NRDE2: variants seen among roughly 807,000 people sequenced by gnomAD.
The protein encoded by NRDE2 is nuclear exosome regulator NRDE2.
Under a neutral mutation model 124.2 loss-of-function variants are expected in NRDE2, and 76 were observed. The ratio of observed to expected loss-of-function variants is 0.61; its 90% CI spans 0.51 to 0.74. The LOEUF is 0.74. NRDE2 is among the 30% of genes least tolerant of loss of function. NRDE2 has a pLI of 0.00. For synonymous variants in NRDE2, 489 were observed against 528.1 expected, an observed-to-expected ratio of 0.93 and a Z score of 1.01; for missense variants, 1,314 against 1,417.3, an observed-to-expected ratio of 0.93 and a Z score of 1.17.
intron 8 of NRDE2, 76 bp downstream of exon 8, chr14:90,298,184 G>A: frequency 1.4e-6 from 2 of 1,470,990 alleles, no homozygotes; most frequent in Non-Finnish European, 1.9e-6. Context: ...AGCTTAAGCA[G>A]ATAAATAATC....
At chr14:90,321,672 A>T (rs1462441236) in intron 1 of NRDE2, among the ~76,000 whole-genome samples, 1 of 151,988 alleles carries the variant, frequency 6.6e-6, no homozygotes, top group Non-Finnish European at 1.5e-5. Context: ...AGCAAAAGGT[A>T]TTTTCATCTG....
At chr14:90,284,641 T>A (rs1488220733) in intron 12 of NRDE2, among the ~76,000 whole-genome samples, 1 of 152,112 alleles carries the variant, frequency 6.6e-6, no homozygotes, top group Non-Finnish European at 1.5e-5. Flanking sequence ...AGTGCTGGGA[T>A]CACAGGCATG....
At position 90,296,403 on chromosome 14, in the gene NRDE2, AG is replaced by A. The variant is rs566480539; in HGVS notation, c.1666+1856del. Reference sequence around the variant, plus strand: ...CATTCTTTTTGGAAAAGAACACTCCAGGGAAATCTAAACAGCTGAGACTCTG... The same window carrying A: ...CATTCTTTTTGGAAAAGAACACTCCAGGAAATCTAAACAGCTGAGACTCTG... On this transcript the variant is annotated intron_variant, in intron 8 of 13. Transcript: ENST00000354366. 6.1e-3 allele frequency among the ~76,000 whole-genome samples: 923 copies of A among 152,270 alleles called. 6 individuals carry two copies. The highest frequency in any genetic ancestry group is 8.8e-3 in the Non-Finnish European group (600 of 68,014).
rs758552868 is a variant in NRDE2, at chr14:90,302,699, T to A, written c.1411+21A>T. 12 of 1,550,934 alleles carry A rather than the reference T, an allele frequency of 7.7e-6. No individual in the cohort carries two copies. In the South Asian group the frequency reaches 1.5e-4, roughly 19 times the overall value. On this transcript the variant is annotated intron_variant, in intron 6 of 13. Transcript: ENST00000354366. The stretch of plus-strand genomic sequence containing the variant: ...GAAAGTCTAACTCCTCCCACGTAAC[T>A]GGATCTGGTTATCTCCTTACCAAAC...
At chr14:90,310,048 T>G (rs1884769303) in intron 4 of NRDE2, among the ~76,000 whole-genome samples, 1 of 152,192 alleles carries the variant, frequency 6.6e-6, no homozygotes, top group Non-Finnish European at 1.5e-5. Flanking sequence ...CACACCAATT[T>G]CCAATTCCAT....
intron 3 of NRDE2, among the ~76,000 whole-genome samples, chr14:90,313,342 G>A (rs1234730534): frequency 6.6e-6 from 1 of 151,996 alleles, no homozygotes; most frequent in Non-Finnish European, 1.5e-5. Flanking sequence ...TAGCCAGGGT[G>A]GTCTCGATCT....
At chr14:90,289,173 C>T in intron 10 of NRDE2, 28 bp from the exon 11 acceptor site, 1 of 1,556,032 alleles carries the variant, frequency 6.4e-7, no homozygotes, top group Non-Finnish European at 8.7e-7. Flanking sequence ...AGAATGACTG[C>T]AGGTGCTCTG....
rs2139649965 is a variant in NRDE2 at position 90,268,363 on chromosome 14, T to C, written c.*9973A>G. ...AATTGTTCCGAGTTGCTGAAGAACA[T>C]GCACCGTCCATCGTGTTTATTGATG... On this transcript the variant is annotated 3_prime_UTR_variant, in exon 14 of 14. Transcript: ENST00000354366. 2 of 1,613,730 alleles carry C rather than the reference T, an allele frequency of 1.2e-6. No individual in the cohort carries two copies. Among genetic ancestry groups the C allele is most frequent in the Non-Finnish European group, 1.7e-6 (2 of 1,179,822 alleles).
intron 12 of NRDE2, chr14:90,280,724 G>C (rs910593961): frequency 2.0e-5 from 3 of 152,340 alleles, no homozygotes; most frequent in African/African-American, 7.2e-5. Context: ...GGAGGGAAGA[G>C]TTCATGGGCG....
At position 90,269,644 on chromosome 14, in the gene NRDE2, G is replaced by A. The variant is rs2139651292; in HGVS notation, c.*8692C>T. ...GGCCTATAAAATGATACATAAAAAA[G>A]CAAATACTGCAGTGAAACTTAGGAT... is the stretch of plus-strand genomic sequence containing the variant. On this transcript the variant is annotated 3_prime_UTR_variant, in exon 14 of 14. Coordinates refer to ENST00000354366, the MANE Select transcript of NRDE2 (RefSeq NM_017970.4). 2 of 1,333,438 alleles carry A rather than the reference G, an allele frequency of 1.5e-6. No individual in the cohort carries two copies. The highest frequency in any genetic ancestry group is 2.1e-6 in the Non-Finnish European group (2 of 965,850). 82.6% of individuals were successfully genotyped at this position (1,333,438 alleles called of 1,614,324 possible).
intron 1 of NRDE2, among the ~76,000 whole-genome samples, chr14:90,326,596 T>TA (rs1483756679): frequency 2.6e-5 from 4 of 151,954 alleles, no homozygotes; most frequent in African/African-American, 9.7e-5. Context: ...ATGAAAATGT[T>TA]AGTCTGCAGG....
rs746251154 is a variant in NRDE2, at chr14:90,268,182, T to G, written c.*10154A>C. 4 of 1,475,908 alleles carry G rather than the reference T, an allele frequency of 2.7e-6. No individual in the cohort carries two copies. The South Asian group carries it at 5.1e-5, about 19-fold the overall frequency. The allele number at this position is 1,475,908 out of a possible 1,614,324, so 91.4% of individuals were successfully genotyped here. On this transcript the variant is annotated 3_prime_UTR_variant, in exon 14 of 14. Coordinates refer to ENST00000354366, the MANE Select transcript of NRDE2 (RefSeq NM_017970.4). ...ACGAGTTTTTAAGTTAAAATGGCAC[T>G]TAAGGTGTCTTTTTTTTTTTTATCT...
chr14:90,292,590 G>GCTTT, intron 9 of NRDE2, 107 bp downstream of exon 9: 1 of 1,255,766 alleles, frequency 8.0e-7, no homozygotes, highest in South Asian at 1.4e-5. Context: ...CTAGCCAACT[G>GCTTT]CTAAGAGAGC....
intron 11 of NRDE2, among the ~76,000 whole-genome samples, chr14:90,287,596 G>A (rs1195120542): frequency 1.3e-5 from 2 of 152,102 alleles, no homozygotes; most frequent in East Asian, 3.9e-4. Context: ...ACTCCAGCCT[G>A]AGCGACAGAG....
In NRDE2 at chr14:90,274,608, T is replaced by G. The variant is rs112062746; in HGVS notation, c.*3728A>C. On this transcript the variant is annotated 3_prime_UTR_variant, in exon 14 of 14. Coordinates refer to ENST00000354366, the MANE Select transcript of NRDE2 (RefSeq NM_017970.4). ...GGGGCTAGGCAGGGAAAGGACAGGA[T>G]GAACCCAAAGTCTGTTTTGCCAGAA... is the stretch of plus-strand genomic sequence containing the variant. 6.8e-3 allele frequency: 1,033 copies of G among 152,252 alleles called. 11 individuals are homozygous for G. The highest frequency in any genetic ancestry group is 6.7e-3 in the Non-Finnish European group (454 of 68,094). The allele number at this position is 152,252 out of a possible 1,614,324, so 9.4% of individuals were successfully genotyped here.
chr14:90,331,724 CGGA>C, intron 1 of NRDE2, 114 bp downstream of exon 1: 2 of 1,176,080 alleles, frequency 1.7e-6, no homozygotes, highest in Non-Finnish European at 2.5e-6. Context: ...TGCAGCGCCG[CGGA>C]GAACTCTGGG....
chr14:90,295,796 G>C (rs533938617), intron 8 of NRDE2, among the ~76,000 whole-genome samples: 50 of 152,276 alleles, frequency 3.3e-4, no homozygotes, highest in African/African-American at 1.2e-3. Flanking sequence ...AAAATTTTCA[G>C]CCTTTCTTTT....
intron 4 of NRDE2, among the ~76,000 whole-genome samples, chr14:90,306,177 C>T (rs1380752446): frequency 1.3e-5 from 2 of 152,302 alleles, no homozygotes; most frequent in South Asian, 2.1e-4. Context: ...ACCGGAAATG[C>T]CGTGGGGAGA....
chr14:90,273,402 A>G lies in NRDE2; in HGVS notation c.*4934T>C, dbSNP rs2139655296. 1 of 152,254 alleles carries G rather than the reference A, an allele frequency of 6.6e-6. No homozygotes were observed. The highest frequency in any genetic ancestry group is 2.1e-4 in the South Asian group (1 of 4,816). 9.4% of individuals were successfully genotyped at this position (152,254 alleles called of 1,614,324 possible). The stretch of plus-strand genomic sequence containing the variant: ...GTGAAACCCCATCTTTACTAAAAAT[A>G]CAAAAATTAGCTGTGCGTGGTGGCA... On this transcript the variant is annotated 3_prime_UTR_variant, in exon 14 of 14. Transcript: ENST00000354366.
Sources: gnomAD v4.1 joint callset for allele counts (sites outside exome capture counted in the v4.1 genomes callset) on GRCh38, gnomAD v4.1.1 for gene constraint, MANE v1.5 for transcripts, NCBI Gene and HGNC (gene_info 2026-07-23, HGNC 2026-07-21) for gene names.